The following RTTN variants were observed in gnomAD, a reference collection of about 807,000 sequenced individuals.
RTTN encodes the protein rotatin.
RTTN carries 182 observed loss-of-function variants against 269.2 expected under a neutral mutation model. The observed-to-expected ratio is 0.68, with a 90% confidence interval of 0.60 to 0.76. The LOEUF (loss-of-function observed/expected upper bound fraction) is 0.76. Ranked by LOEUF, RTTN falls within the 30% of genes least tolerant of loss-of-function variation. The pLI, the probability that RTTN is intolerant of heterozygous loss-of-function variation, is 0.00. For synonymous variants in RTTN, 1,006 were observed against 963.5 expected (o/e 1.04, Z -0.82); for missense variants, 2,545 against 2,608.6 (o/e 0.98, Z 0.53).
chr18:70,099,835 G>A (rs1335387430), intron 28 of RTTN, among the ~76,000 whole-genome samples: 3 of 152,130 alleles, frequency 2.0e-5, no homozygotes, highest in Non-Finnish European at 2.9e-5. Context: ...TACTAAATAC[G>A]GAATGCTTTC....
intron 28 of RTTN, among the ~76,000 whole-genome samples, chr18:70,095,798 G>A (rs1370013195): frequency 6.6e-6 from 1 of 152,074 alleles, no homozygotes; most frequent in Non-Finnish European, 1.5e-5. Flanking sequence ...CGGGGAGCAT[G>A]TTTGTGGTGA....
At chr18:70,162,400 T>C (rs1015300167) in intron 14 of RTTN, among the ~76,000 whole-genome samples, 1 of 152,162 alleles carries the variant, frequency 6.6e-6, no homozygotes, top group Admixed American at 6.5e-5. Context: ...ATTCTCACAC[T>C]GCTATAAGGA....
In RTTN at chr18:70,047,864, C is replaced by T. The variant is rs1044996280; in HGVS notation, c.5541+107G>A. 7.6e-5 allele frequency: 64 copies of T among 838,586 alleles called. 1 individual carries two copies. The South Asian group carries it at 1.1e-3, about 14-fold the overall frequency. The allele number at this position is 838,586 out of a possible 1,614,324, so 51.9% of individuals were successfully genotyped here. On this transcript the variant is annotated intron_variant, in intron 40 of 48. Transcript: ENST00000640769. ...ATTTAAACAGTCATAATAAGCATTA[C>T]TATTTCTTAATTTAAATGACTGAGA...
rs1327707107 is a variant in RTTN at position 70,157,990 on chromosome 18, A to G, written c.1930-7257T>C. ...TAACACCCATCAGCATTCCAGAAAG[A>G]GAAGGAGAGAGAGCAAGCAACTTGG... On this transcript the variant is annotated intron_variant, in intron 14 of 48. Transcript: ENST00000640769. Among the ~76,000 whole-genome samples, 7 of 152,254 alleles carry G rather than the reference A, an allele frequency of 4.6e-5. No homozygotes were observed. The East Asian group carries it at 1.4e-3, about 29-fold the overall frequency.
chr18:70,054,180 A>T lies in RTTN; in HGVS notation c.5136T>A (p.Leu1712=). 2 of 1,613,736 alleles carry T rather than the reference A, an allele frequency of 1.2e-6. No individual in the cohort carries two copies. Among genetic ancestry groups the T allele is most frequent in the Non-Finnish European group, 1.7e-6 (2 of 1,179,650 alleles). The change falls in exon 38 of 49, where the codon CTT becomes CTA. Residue 1712 remains leucine (L), a synonymous_variant. Transcript: ENST00000640769. The part of the protein sequence containing the change: ...LVIQDELVKP[L]ITNIIGILTI... ...TGAGAATTCCAATGATATTGGTGAT[A>T]AGAGGTTTCACAAGCTCATCCTGAA...
chr18:70,033,446 T>C (rs1222027765), intron 40 of RTTN, among the ~76,000 whole-genome samples: 1 of 152,140 alleles, frequency 6.6e-6, no homozygotes, highest in East Asian at 1.9e-4. Context: ...TCATTTACAT[T>C]GAAATTAAGC....
At chr18:70,010,924 G>A (rs184251744) in intron 46 of RTTN, among the ~76,000 whole-genome samples, 1 of 152,174 alleles carries the variant, frequency 6.6e-6, no homozygotes, top group Non-Finnish European at 1.5e-5. Context: ...TGATCCCACA[G>A]AAATCCAAAC....
Position 70,114,581 on chromosome 18 carries a change from C to CT in RTTN, c.3546dup (p.Asp1183ArgfsTer16). The stretch of plus-strand genomic sequence containing the variant: ...TGTGACTCTGTCAGAACCAAGAGGT[C>CT]TAACAGTGGGTTTGCACTCTAAAAA... On this transcript the variant is annotated frameshift_variant, in exon 27 of 49. Transcript: ENST00000640769. LOFTEE classifies it high-confidence loss of function. 6.2e-7 allele frequency: 1 copy of CT among 1,613,014 alleles called. No individual in the cohort carries two copies. Among genetic ancestry groups the CT allele is most frequent in the Non-Finnish European group, 8.5e-7 (1 of 1,179,458 alleles).
chr18:70,061,464 G>C (rs992987807), intron 35 of RTTN: 8 of 455,564 alleles, frequency 1.8e-5, no homozygotes, highest in African/African-American at 1.6e-4. Flanking sequence ...TTGCTATTTA[G>C]AGTGTCATTG....
At chr18:70,031,600 A>G (rs1233424392) in intron 40 of RTTN, among the ~76,000 whole-genome samples, 1 of 151,974 alleles carries the variant, frequency 6.6e-6, no homozygotes, top group African/African-American at 2.4e-5. Flanking sequence ...GAGCTAGAAA[A>G]ATTTTCACTT....
intron 20 of RTTN, 93 bp from the exon 21 acceptor site, chr18:70,139,809 C>A: frequency 1.3e-6 from 1 of 771,126 alleles, no homozygotes; most frequent in Admixed American, 2.5e-5. Flanking sequence ...AAATTTTATG[C>A]GTTTTCATCA....
At chr18:70,151,853 G>A (rs558678486) in intron 14 of RTTN, among the ~76,000 whole-genome samples, 9 of 152,120 alleles carry the variant, frequency 5.9e-5, no homozygotes, top group African/African-American at 2.2e-4. Flanking sequence ...CTATGGCCCT[G>A]GCTTTCTCCT....
intron 22 of RTTN, among the ~76,000 whole-genome samples, chr18:70,134,910 A>C (rs1391926572): frequency 1.3e-5 from 2 of 152,122 alleles, no homozygotes; most frequent in Non-Finnish European, 2.9e-5. Flanking sequence ...CACATAGTTG[A>C]AGGTATGTAC....
intron 40 of RTTN, among the ~76,000 whole-genome samples, chr18:70,041,003 T>C (rs929949051): frequency 6.6e-6 from 1 of 152,098 alleles, no homozygotes; most frequent in African/African-American, 2.4e-5. Context: ...ACGGAACACC[T>C]GAGGTCAGGA....
chr18:70,079,179 T>C (rs1328515919), intron 32 of RTTN, among the ~76,000 whole-genome samples: 3 of 152,140 alleles, frequency 2.0e-5, no homozygotes, highest in African/African-American at 4.8e-5. Context: ...TGAATTTCAC[T>C]ATAAGCTCTA....
At chr18:70,061,402 T>G (rs776254783) in intron 35 of RTTN, 23 of 456,130 alleles carry the variant, frequency 5.0e-5, no homozygotes, top group Non-Finnish European at 9.3e-5. Flanking sequence ...GTCGATTCCC[T>G]AAAGTGGAGA....
intron 4 of RTTN, among the ~76,000 whole-genome samples, chr18:70,201,234 C>T (rs1282828241): frequency 6.6e-6 from 1 of 152,162 alleles, no homozygotes; most frequent in African/African-American, 2.4e-5. Flanking sequence ...GCTGGCGTAA[C>T]TGGATAGATG....
intron 28 of RTTN, 51 bp downstream of exon 28, chr18:70,109,446 TA>T: frequency 1.4e-6 from 2 of 1,416,716 alleles, no homozygotes; most frequent in South Asian, 2.3e-5. Flanking sequence ...TGGCCTGGCA[TA>T]AAGTAAAAGC....
intron 40 of RTTN, among the ~76,000 whole-genome samples, chr18:70,035,012 G>A (rs2057128323): frequency 6.6e-6 from 1 of 152,138 alleles, no homozygotes; most frequent in Non-Finnish European, 1.5e-5. Flanking sequence ...AACCAGGGAG[G>A]TGAAAGATCT....
Sources: gnomAD v4.1 joint callset for allele counts (sites outside exome capture counted in the v4.1 genomes callset) on GRCh38, gnomAD v4.1.1 for gene constraint, MANE v1.5 for transcripts, NCBI Gene and HGNC (gene_info 2026-07-23, HGNC 2026-07-21) for gene names.